Variants in TEC observed in about 807,000 individuals in gnomAD.
TEC encodes the protein tyrosine-protein kinase Tec.
In TEC, 72 loss-of-function variants were observed where a neutral mutation model predicts 93.0. The ratio of observed to expected loss-of-function variants is 0.77; its 90% CI spans 0.64 to 0.94. The LOEUF (loss-of-function observed/expected upper bound fraction) is 0.94, where lower values mean the gene tolerates loss of function less well. Ranked by LOEUF, TEC falls within the 40% of genes least tolerant of loss-of-function variation. TEC has a pLI of 0.00. For synonymous variants in TEC, 249 were observed against 247.7 expected, an observed-to-expected ratio of 1.01 and a Z score of -0.05; for missense variants, 630 against 757.9, an observed-to-expected ratio of 0.83 and a Z score of 1.98.
chr4:48,217,394 G>A (rs1056396441), intron 2 of TEC, among the ~76,000 whole-genome samples: 3 of 152,100 alleles, frequency 2.0e-5, no homozygotes, highest in East Asian at 1.9e-4. Flanking sequence ...GAGATACCGC[G>A]CCCAGCCAGT....
chr4:48,257,955 A>G (rs1447878592), intron 1 of TEC, among the ~76,000 whole-genome samples: 1 of 152,202 alleles, frequency 6.6e-6, no homozygotes, highest in Non-Finnish European at 1.5e-5. Flanking sequence ...CAACATGAAA[A>G]TGGGTAAAAC....
At chr4:48,181,065 T>C (rs1721563822) in intron 2 of TEC, among the ~76,000 whole-genome samples, 1 of 151,956 alleles carries the variant, frequency 6.6e-6, no homozygotes, top group South Asian at 2.1e-4. Flanking sequence ...GGATTTTGAG[T>C]TTGAGTGACC....
At chr4:48,190,838 T>C (rs1345247934) in intron 2 of TEC, among the ~76,000 whole-genome samples, 1 of 152,154 alleles carries the variant, frequency 6.6e-6, no homozygotes, top group Non-Finnish European at 1.5e-5. Context: ...AATCAGAAGT[T>C]ATTAGGAAAG....
At chr4:48,196,095 GGAA>G (rs1417420271) in intron 2 of TEC, among the ~76,000 whole-genome samples, 1 of 152,168 alleles carries the variant, frequency 6.6e-6, no homozygotes, top group Admixed American at 6.5e-5. Context: ...CAACTTGACT[GGAA>G]GAAGGACTGC....
chr4:48,246,491 G>T, intron 1 of TEC, among the ~76,000 whole-genome samples: 1 of 150,542 alleles, frequency 6.6e-6, no homozygotes, highest in East Asian at 1.9e-4. Context: ...AACAAAATTG[G>T]AGGACTCACA....
chr4:48,262,622 A>C (rs1724526975), intron 1 of TEC, among the ~76,000 whole-genome samples: 1 of 152,196 alleles, frequency 6.6e-6, no homozygotes, highest in African/African-American at 2.4e-5. Context: ...CCAGTACATT[A>C]CAGAAAAACT....
chr4:48,225,720 CTTTTTTTTTT>C (rs1468186770), intron 2 of TEC, among the ~76,000 whole-genome samples: 1 of 143,290 alleles, frequency 7.0e-6, no homozygotes, highest in South Asian at 2.2e-4. Flanking sequence ...CTTTTTTTTT[CTTTTTTTTTT>C]ACTACTGACA....
rs552933999 is a variant in TEC, at chr4:48,209,424, A to G, written c.138+19053T>C. On this transcript the variant is annotated intron_variant, in intron 2 of 17. Coordinates refer to ENST00000381501, the MANE Select transcript of TEC (RefSeq NM_003215.3). ...TTGAGACCAGCCTGGCAACATAGAGAGAGCTCATCTCTACAAAAAAAAATT... is the reference window on the plus strand; with the variant it reads ...TTGAGACCAGCCTGGCAACATAGAGGGAGCTCATCTCTACAAAAAAAAATT... Among the ~76,000 whole-genome samples, 15 of 150,708 alleles carry G rather than the reference A, an allele frequency of 1.0e-4. No homozygotes were observed. The South Asian group carries it at 2.9e-3, about 29-fold the overall frequency.
chr4:48,168,627 C>A lies in TEC; in HGVS notation c.455-1G>T, dbSNP rs748245363. On this transcript the variant is annotated splice_acceptor_variant, in intron 5 of 17. Coordinates refer to ENST00000381501, the MANE Select transcript of TEC (RefSeq NM_003215.3). LOFTEE classifies it high-confidence loss of function. ...GCTGGAGGTAGTGCTTTTCTTATAC[C>A]TGAAAATGCCAACAACAAAAACAGA... The A allele has an allele frequency of 5.0e-6, 8 of 1,600,726 alleles. No homozygotes were observed. The highest frequency in any genetic ancestry group is 5.9e-6 in the Non-Finnish European group (7 of 1,177,058).
chr4:48,168,773 C>A (rs1418277449), intron 5 of TEC, 147 bp from the exon 6 acceptor site: 12 of 768,254 alleles, frequency 1.6e-5, no homozygotes, highest in Non-Finnish European at 2.3e-5. Flanking sequence ...CTGCTTGTAT[C>A]TCTATTCTAG....
In TEC at chr4:48,156,569, G is replaced by C. The variant is rs574530432; in HGVS notation, c.792+111C>G. On this transcript the variant is annotated intron_variant, in intron 9 of 17. Transcript: ENST00000381501. ...CAGCCTCTGGGAATAGTTTTGCATA[G>C]ACTTGCTCACTGCTGAACACATTTA... The C allele has an allele frequency of 8.8e-6, 8 of 905,514 alleles. No homozygotes were observed. The East Asian group carries it at 1.1e-4, about 13-fold the overall frequency. The allele number at this position is 905,514 out of a possible 1,614,324, so 56.1% of individuals were successfully genotyped here.
At chr4:48,216,677 T>C (rs756375097) in intron 2 of TEC, among the ~76,000 whole-genome samples, 15 of 152,220 alleles carry the variant, frequency 9.9e-5, no homozygotes, top group African/African-American at 1.7e-4. Context: ...TCAGTTCCTA[T>C]GTCACAGTCT....
At chr4:48,238,878 C>G (rs1237757802) in intron 1 of TEC, among the ~76,000 whole-genome samples, 1 of 151,980 alleles carries the variant, frequency 6.6e-6, no homozygotes. Context: ...TTCCAGCCTC[C>G]GACTGGCAGA....
intron 2 of TEC, among the ~76,000 whole-genome samples, chr4:48,219,254 C>T (rs1723176227): frequency 6.6e-6 from 1 of 152,194 alleles, no homozygotes. Context: ...ATAAGGACCG[C>T]TTGAGGGCTC....
At chr4:48,223,996 T>C (rs912054368) in intron 2 of TEC, among the ~76,000 whole-genome samples, 3 of 152,232 alleles carry the variant, frequency 2.0e-5, no homozygotes, top group Non-Finnish European at 1.5e-5. Context: ...GATAAGATTC[T>C]TGGAAGCTTA....
chr4:48,230,182 C>T (rs543199773), intron 1 of TEC, among the ~76,000 whole-genome samples: 8 of 152,234 alleles, frequency 5.3e-5, no homozygotes, highest in East Asian at 3.9e-4. Flanking sequence ...ACAGCACGGC[C>T]GGTGACTGGA....
chr4:48,233,413 A>G (rs1723698799), intron 1 of TEC, among the ~76,000 whole-genome samples: 1 of 151,476 alleles, frequency 6.6e-6, no homozygotes, highest in African/African-American at 2.4e-5. Context: ...CCTGGGCATA[A>G]GTGAACTTCC....
intron 2 of TEC, among the ~76,000 whole-genome samples, chr4:48,186,834 C>T (rs1721889097): frequency 6.6e-6 from 1 of 150,962 alleles, no homozygotes; most frequent in Admixed American, 6.6e-5. Context: ...TCCGCCCACC[C>T]ACTGCCCCGT....
At chr4:48,161,519 C>T (rs1720655989) in intron 8 of TEC, among the ~76,000 whole-genome samples, 1 of 151,208 alleles carries the variant, frequency 6.6e-6, no homozygotes, top group African/African-American at 2.4e-5. Flanking sequence ...ATCCTGAGTT[C>T]AGCCCAGTGA....
Sources: allele counts gnomAD v4.1 joint callset (sites outside exome capture counted in the v4.1 genomes callset), GRCh38; gene constraint gnomAD v4.1.1; transcripts MANE v1.5; gene names NCBI Gene and HGNC (gene_info 2026-07-23, HGNC 2026-07-21).